Variants in MAPRE1 observed in about 807,000 individuals in gnomAD.
MAPRE1 encodes the protein microtubule associated protein RP/EB family member 1.
MAPRE1 carries 5 observed loss-of-function variants against 32.1 expected under a neutral mutation model. That is an observed-to-expected ratio of 0.16 (90% CI 0.08 to 0.33). The LOEUF is 0.33. Among genes scored for constraint, MAPRE1 ranks in the 10% least tolerant of loss-of-function variants. The pLI is 1.00. For synonymous variants in MAPRE1, 122 were observed against 118.9 expected, an observed-to-expected ratio of 1.03 and a Z score of -0.17; for missense variants, 209 against 327.2, an observed-to-expected ratio of 0.64 and a Z score of 2.79.
chr20:32,833,710 C>CT lies in MAPRE1; in HGVS notation c.122-4dup. 6.2e-7 allele frequency: 1 copy of CT among 1,605,202 alleles called. No homozygotes were observed. The highest frequency in any genetic ancestry group is 8.5e-7 in the Non-Finnish European group (1 of 1,175,234). ...ATTGTATTTTTCTGTTGCCGTTGTT[C>CT]TTTCAGGGGCTGCGTATTGTCAGTT... is the stretch of plus-strand genomic sequence containing the variant. On this transcript the variant is annotated splice_polypyrimidine_tract_variant and splice_region_variant and intron_variant, in intron 2 of 6. Transcript: ENST00000375571.
intron 4 of MAPRE1, among the ~76,000 whole-genome samples, chr20:32,839,022 T>G (rs577002818): frequency 3.9e-5 from 6 of 152,352 alleles, no homozygotes; most frequent in African/African-American, 1.2e-4. Flanking sequence ...TTGTCTGCTT[T>G]TGGCTGTAAA....
At chr20:32,848,018 A>G (rs775791868) in intron 6 of MAPRE1, among the ~76,000 whole-genome samples, 1 of 152,082 alleles carries the variant, frequency 6.6e-6, no homozygotes, top group Non-Finnish European at 1.5e-5. Context: ...TGAACTTTAC[A>G]GGGGACTTCA....
chr20:32,846,790 A>G lies in MAPRE1; in HGVS notation c.750+20A>G. 1.9e-6 allele frequency: 3 copies of G among 1,612,670 alleles called. No homozygotes were observed. Among genetic ancestry groups the G allele is most frequent in the African/African-American group, 2.7e-5 (2 of 75,026 alleles). ...ACAGATGTATGTGTTTGACATGAGGATATTTTCTTTCCATTTTACATAGAA... is the reference window on the plus strand; with the variant it reads ...ACAGATGTATGTGTTTGACATGAGGGTATTTTCTTTCCATTTTACATAGAA... On this transcript the variant is annotated intron_variant, in intron 6 of 6. Transcript: ENST00000375571.
At chr20:32,834,431 A>G (rs1983128118) in intron 3 of MAPRE1, among the ~76,000 whole-genome samples, 1 of 152,200 alleles carries the variant, frequency 6.6e-6, no homozygotes, top group Non-Finnish European at 1.5e-5. Flanking sequence ...TAGCACAAAC[A>G]TTTAATGTTT....
At chr20:32,847,127 G>C (rs6119991) in intron 6 of MAPRE1, among the ~76,000 whole-genome samples, 1 of 152,192 alleles carries the variant, frequency 6.6e-6, no homozygotes, top group Non-Finnish European at 1.5e-5. Context: ...CATTTTATCA[G>C]GGCCCGGGGC....
chr20:32,821,660 G>A (rs1483717715), intron 1 of MAPRE1, among the ~76,000 whole-genome samples: 1 of 152,218 alleles, frequency 6.6e-6, no homozygotes, highest in Non-Finnish European at 1.5e-5. Context: ...TGTGATGCAG[G>A]AAGATTAAGT....
intron 6 of MAPRE1, 90 bp from the exon 7 acceptor site, chr20:32,848,582 T>C (rs1983567987): frequency 1.0e-6 from 1 of 953,928 alleles, no homozygotes; most frequent in Non-Finnish European, 1.6e-6. Flanking sequence ...GAAGAACCAT[T>C]GTTTTTAAGA....
intron 6 of MAPRE1, 59 bp downstream of exon 6, chr20:32,846,829 C>T (rs1229137246): frequency 1.0e-5 from 16 of 1,542,914 alleles, no homozygotes; most frequent in Non-Finnish European, 1.4e-5. Context: ...TTGGTGAACT[C>T]TGTGCTGATG....
intron 1 of MAPRE1, among the ~76,000 whole-genome samples, chr20:32,821,149 G>T (rs1164626095): frequency 6.6e-6 from 1 of 151,920 alleles, no homozygotes; most frequent in Non-Finnish European, 1.5e-5. Context: ...CCGAGTAGTC[G>T]GGATTACAGG....
At chr20:32,823,211 G>C (rs1231098408) in intron 1 of MAPRE1, among the ~76,000 whole-genome samples, 1 of 152,222 alleles carries the variant, frequency 6.6e-6, no homozygotes, top group Non-Finnish European at 1.5e-5. Flanking sequence ...TCTTCTGGCT[G>C]TCACATTCTG....
At chr20:32,846,559 C>G in intron 5 of MAPRE1, 59 bp from the exon 6 acceptor site, 1 of 1,542,096 alleles carries the variant, frequency 6.5e-7, no homozygotes, top group Non-Finnish European at 8.9e-7. Flanking sequence ...AGAAGTCTGC[C>G]TGATATTTTA....
At chr20:32,827,515 A>T (rs1005557382) in intron 2 of MAPRE1, among the ~76,000 whole-genome samples, 1 of 152,120 alleles carries the variant, frequency 6.6e-6, no homozygotes. Context: ...AAAACAAAAA[A>T]ATGCCTTATA....
At chr20:32,844,203 C>T (rs1346273509) in intron 5 of MAPRE1, among the ~76,000 whole-genome samples, 1 of 151,984 alleles carries the variant, frequency 6.6e-6, no homozygotes. Context: ...AAAGGAGTGC[C>T]ACGTGAAAGC....
At chr20:32,823,904 C>T (rs1982771073) in intron 1 of MAPRE1, among the ~76,000 whole-genome samples, 1 of 152,184 alleles carries the variant, frequency 6.6e-6, no homozygotes, top group African/African-American at 2.4e-5. Flanking sequence ...ACAAACCCAA[C>T]AGTGGATTTC....
chr20:32,829,855 A>G lies in MAPRE1; in HGVS notation c.121+3807A>G, dbSNP rs143509615. 5.8e-4 allele frequency among the ~76,000 whole-genome samples: 89 copies of G among 152,324 alleles called. No individual in the cohort carries two copies. In the East Asian group the frequency reaches 0.016, roughly 28 times the overall value. On this transcript the variant is annotated intron_variant, in intron 2 of 6. Transcript: ENST00000375571. ...GATTTGGCAGGTTGTTTCAAGATTCATTAATACATTCTGTAGTCTCCGTAG... is the reference window on the plus strand; with the variant it reads ...GATTTGGCAGGTTGTTTCAAGATTCGTTAATACATTCTGTAGTCTCCGTAG...
intron 5 of MAPRE1, among the ~76,000 whole-genome samples, chr20:32,846,206 A>G (rs769202009): frequency 6.6e-6 from 1 of 152,188 alleles, no homozygotes; most frequent in African/African-American, 2.4e-5. Flanking sequence ...AAAGAGTTCC[A>G]TTGAGCCCTT....
At position 32,839,930 on chromosome 20, in the gene MAPRE1, C is replaced by T. The variant is rs552124565; in HGVS notation, c.597+74C>T. The T allele has an allele frequency of 2.0e-4, 324 of 1,586,810 alleles. No individual in the cohort carries two copies. The African/African-American group carries it at 3.6e-3, about 18-fold the overall frequency. ...CTTGCGGTGGCCAGGGTGCCTTATC[C>T]GTGTTCTTAAATGAACACCTGCCTT... On this transcript the variant is annotated intron_variant, in intron 5 of 6. Transcript: ENST00000375571.
At chr20:32,837,048 C>G (rs2146132730) in intron 4 of MAPRE1, among the ~76,000 whole-genome samples, 1 of 152,320 alleles carries the variant, frequency 6.6e-6, no homozygotes, top group Non-Finnish European at 1.5e-5. Context: ...AACTTCAACT[C>G]TGCCCCACAG....
intron 5 of MAPRE1, among the ~76,000 whole-genome samples, chr20:32,844,487 T>A (rs1204238888): frequency 8.4e-6 from 1 of 119,254 alleles, no homozygotes; most frequent in Non-Finnish European, 1.6e-5. Context: ...TGATCTCAGC[T>A]CACTGCAACT....
Sources: gnomAD v4.1 joint callset for allele counts (sites outside exome capture counted in the v4.1 genomes callset) on GRCh38, gnomAD v4.1.1 for gene constraint, MANE v1.5 for transcripts, NCBI Gene and HGNC (gene_info 2026-07-23, HGNC 2026-07-21) for gene names.